The following MSRA variants were observed in gnomAD, a reference collection of about 807,000 sequenced individuals.
The protein encoded by MSRA is methionine sulfoxide reductase A, also known as mitochondrial peptide methionine sulfoxide reductase.
A neutral mutation model predicts 31.3 loss-of-function variants in MSRA; 54 were observed. That is an observed-to-expected ratio of 1.73 (90% CI 1.39 to 2.17). MSRA has a LOEUF of 2.17. Among genes scored for constraint, MSRA ranks in the 30% most tolerant of loss-of-function variants. The pLI is 0.00. For missense variants in MSRA, 507 were observed against 300.9 expected (o/e 1.69, Z -5.07); for synonymous variants, 169 against 116.5 (o/e 1.45, Z -2.90).
At chr8:10,294,798 C>G (rs1413226581) in intron 3 of MSRA, among the ~76,000 whole-genome samples, 2 of 152,060 alleles carry the variant, frequency 1.3e-5, no homozygotes, top group Admixed American at 1.3e-4. Context: ...GTTGTTTGTC[C>G]TCCCCTAACC....
At chr8:10,250,609 C>A in intron 3 of MSRA, 1 of 628,582 alleles carries the variant, frequency 1.6e-6, no homozygotes, top group South Asian at 1.9e-5. Context: ...GGTGGATTTT[C>A]AAGCAGGCTG....
At chr8:10,150,523 C>T (rs550675524) in intron 1 of MSRA, among the ~76,000 whole-genome samples, 22 of 152,224 alleles carry the variant, frequency 1.4e-4, no homozygotes, top group Middle Eastern at 6.8e-3. Context: ...ATGTAATCAA[C>T]GGCTTACTAC....
chr8:10,428,345 A>C lies in MSRA; in HGVS notation c.*33A>C, dbSNP rs567363882. Reference sequence around the variant, plus strand: ...CCACATGGTGGGCCTTTGAGGTTCCAGTAAAAATGCTTTCAACAAATTGGG... The same window carrying C: ...CCACATGGTGGGCCTTTGAGGTTCCCGTAAAAATGCTTTCAACAAATTGGG... On this transcript the variant is annotated 3_prime_UTR_variant, in exon 6 of 6. Coordinates refer to ENST00000317173, the MANE Select transcript of MSRA (RefSeq NM_012331.5). The C allele has an allele frequency of 3.1e-6, 5 of 1,605,866 alleles. 1 individual carries two copies. Among genetic ancestry groups the C allele is most frequent in the Admixed American group, 3.5e-5 (2 of 57,806 alleles).
At chr8:10,322,246 G>GAT (rs5889331) in intron 5 of MSRA, among the ~76,000 whole-genome samples, 1 of 152,266 alleles carries the variant, frequency 6.6e-6, no homozygotes, top group Admixed American at 6.5e-5. Flanking sequence ...GATGCTCAAA[G>GAT]AGAGAGCAAT....
intron 5 of MSRA, among the ~76,000 whole-genome samples, chr8:10,400,624 G>A (rs951121979): frequency 6.6e-6 from 1 of 152,180 alleles, no homozygotes; most frequent in African/African-American, 2.4e-5. Context: ...GAGGCTGTTA[G>A]CCTCTCAGGG....
At chr8:10,170,874 A>G (rs532662000) in intron 1 of MSRA, among the ~76,000 whole-genome samples, 3 of 152,382 alleles carry the variant, frequency 2.0e-5, no homozygotes, top group East Asian at 3.9e-4. Context: ...TCTTCTGCGA[A>G]TAATGATAGC....
At chr8:10,245,346 T>A in intron 3 of MSRA, 123 bp downstream of exon 3, 1 of 868,792 alleles carries the variant, frequency 1.2e-6, no homozygotes, top group Non-Finnish European at 1.7e-6. Flanking sequence ...CAATCTTTAT[T>A]ATTTGTATAT....
At chr8:10,305,842 A>C (rs1211108163) in intron 4 of MSRA, among the ~76,000 whole-genome samples, 1 of 152,186 alleles carries the variant, frequency 6.6e-6, no homozygotes, top group Non-Finnish European at 1.5e-5. Flanking sequence ...TCTGAAGAGG[A>C]TGCCACTCCA....
At chr8:10,210,505 G>C (rs1164127026) in intron 2 of MSRA, among the ~76,000 whole-genome samples, 1 of 152,162 alleles carries the variant, frequency 6.6e-6, no homozygotes, top group Non-Finnish European at 1.5e-5. Context: ...AAGGAGTCTT[G>C]AGAAGTAGCC....
chr8:10,428,508 G>A lies in MSRA; in HGVS notation c.*196G>A, dbSNP rs941089478. On this transcript the variant is annotated 3_prime_UTR_variant, in exon 6 of 6. Coordinates refer to ENST00000317173, the MANE Select transcript of MSRA (RefSeq NM_012331.5). ...TAAAATGTGACTTATCTCCTAATAAGTTATGGTGGGAGTGGAGCTGTGCAG... is the reference window on the plus strand; with the variant it reads ...TAAAATGTGACTTATCTCCTAATAAATTATGGTGGGAGTGGAGCTGTGCAG... 6 of 582,090 alleles carry A rather than the reference G, an allele frequency of 1.0e-5. No homozygotes were observed. The highest frequency in any genetic ancestry group is 1.8e-5 in the Non-Finnish European group (6 of 336,932). 36.1% of individuals were successfully genotyped at this position (582,090 alleles called of 1,614,324 possible). A position where few individuals can be genotyped will look rare whatever the true frequency, so the allele number is the denominator to read the frequency against.
In MSRA at chr8:10,387,211, T is replaced by A. The variant is rs866910302; in HGVS notation, c.544-40937T>A. 5.3e-5 allele frequency among the ~76,000 whole-genome samples: 8 copies of A among 152,354 alleles called. No homozygotes were observed. In the South Asian group the frequency reaches 1.7e-3, roughly 32 times the overall value. On this transcript the variant is annotated intron_variant, in intron 5 of 5. Coordinates refer to ENST00000317173, the MANE Select transcript of MSRA (RefSeq NM_012331.5). The stretch of plus-strand genomic sequence containing the variant: ...TGAGATTTAACCTCTCTCCACCTCC[T>A]GAGTAACATGATCGATGTCACAAAA...
At chr8:10,159,552 G>A (rs1476475360) in intron 1 of MSRA, among the ~76,000 whole-genome samples, 2 of 152,156 alleles carry the variant, frequency 1.3e-5, no homozygotes, top group African/African-American at 4.8e-5. Flanking sequence ...TACTCAATAT[G>A]GAATACAGTT....
intron 2 of MSRA, among the ~76,000 whole-genome samples, chr8:10,244,035 G>A (rs1585257382): frequency 6.6e-6 from 1 of 152,266 alleles, no homozygotes; most frequent in East Asian, 1.9e-4. Flanking sequence ...ATTAAAGAGT[G>A]TCAAGAATTT....
At chr8:10,418,654 C>T (rs995871431) in intron 5 of MSRA, among the ~76,000 whole-genome samples, 1 of 151,974 alleles carries the variant, frequency 6.6e-6, no homozygotes, top group Non-Finnish European at 1.5e-5. Flanking sequence ...GTTCAGGTTC[C>T]TTTCTAGTAA....
chr8:10,346,573 G>C (rs1011348513), intron 5 of MSRA, among the ~76,000 whole-genome samples: 2 of 152,228 alleles, frequency 1.3e-5, no homozygotes, highest in Non-Finnish European at 2.9e-5. Flanking sequence ...GTTCGGCAGA[G>C]ACTGAAAGGC....
At chr8:10,346,160 A>G (rs1803761844) in intron 5 of MSRA, among the ~76,000 whole-genome samples, 1 of 152,156 alleles carries the variant, frequency 6.6e-6, no homozygotes, top group Non-Finnish European at 1.5e-5. Context: ...TCTCTTATAT[A>G]TGGGCAAAGG....
At chr8:10,210,794 C>T (rs1490479255) in intron 2 of MSRA, among the ~76,000 whole-genome samples, 1 of 151,180 alleles carries the variant, frequency 6.6e-6, no homozygotes, top group East Asian at 1.9e-4. Flanking sequence ...AGTGCACTGG[C>T]ACGATCTGAG....
chr8:10,363,738 C>CACA lies in MSRA; in HGVS notation c.543+43749_543+43750insACA, dbSNP rs377334413. ...TGGGCAACCAAGCAAGATGCAGTCACCACACACACACACACACACACACAC... is the reference window on the plus strand; with the variant it reads ...TGGGCAACCAAGCAAGATGCAGTCACACACACACACACACACACACACACACAC... On this transcript the variant is annotated intron_variant, in intron 5 of 5. Coordinates refer to ENST00000317173, the MANE Select transcript of MSRA (RefSeq NM_012331.5). Among the ~76,000 whole-genome samples the CACA allele has an allele frequency of 2.0e-4, 21 of 103,288 alleles. 1 individual carries two copies. The highest frequency in any genetic ancestry group is 6.7e-4 in the African/African-American group (20 of 29,872). 67.8% of individuals were successfully genotyped at this position (103,288 alleles called of 152,430 possible). A position where few individuals can be genotyped will look rare whatever the true frequency, so the allele number is the denominator to read the frequency against.
intron 1 of MSRA, among the ~76,000 whole-genome samples, chr8:10,190,429 G>A (rs1461941484): frequency 1.3e-5 from 2 of 152,188 alleles, no homozygotes; most frequent in African/African-American, 2.4e-5. Flanking sequence ...CCCCCAGCAC[G>A]TCATGCTGCT....
Sources: allele counts gnomAD v4.1 joint callset (sites outside exome capture counted in the v4.1 genomes callset), GRCh38; gene constraint gnomAD v4.1.1; transcripts MANE v1.5; gene names NCBI Gene and HGNC (gene_info 2026-07-23, HGNC 2026-07-21).